TET3: variants seen among roughly 807,000 people sequenced by gnomAD.
TET3 encodes tet methylcytosine dioxygenase 3, also known as methylcytosine dioxygenase TET3.
A neutral mutation model predicts 141.4 loss-of-function variants in TET3; 19 were observed. The ratio of observed to expected loss-of-function variants is 0.13; its 90% CI spans 0.09 to 0.20. The LOEUF (loss-of-function observed/expected upper bound fraction) is 0.20, where lower values mean the gene tolerates loss of function less well. TET3 is among the 10% of genes least tolerant of loss of function. The probability of loss-of-function intolerance (pLI) is 1.00; values close to 1 mark genes in which losing one functional copy is unlikely to be tolerated. For synonymous variants in TET3, 1,043 were observed against 980.9 expected, an observed-to-expected ratio of 1.06 and a Z score of -1.18; for missense variants, 1,874 against 2,356.9, an observed-to-expected ratio of 0.80 and a Z score of 4.24.
Position 74,046,747 on chromosome 2 carries a change from C to T in TET3, c.830C>T (p.Pro277Leu), listed in dbSNP as rs969371294. 1 of 1,613,904 alleles carries T rather than the reference C, an allele frequency of 6.2e-7. No individual in the cohort carries two copies. The highest frequency in any genetic ancestry group is 8.5e-7 in the Non-Finnish European group (1 of 1,179,890). Residue 277 changes from proline to leucine, a missense_variant, in exon 4 of 12, where the codon CCA becomes CTA. Coordinates refer to ENST00000409262, the MANE Select transcript of TET3 (RefSeq NM_001287491.2). This position sits in a 1 kb window ranked among gnomAD's most constrained non-coding sequence, Gnocchi z 4.3. The part of the protein sequence containing the change: ...MKPPNCNCDG[P>L]ECPDYLEWLE... ...CCACCCAACTGCAACTGCGATGGCC[C>T]AGAATGCCCTGACTACCTCGAGTGG... is the stretch of plus-strand genomic sequence containing the variant.
chr2:74,053,530 C>G lies in TET3; in HGVS notation c.2494+5119C>G, dbSNP rs114170622. Among the ~76,000 whole-genome samples, 206 of 152,300 alleles carry G rather than the reference C, an allele frequency of 1.4e-3. No individual in the cohort carries two copies. In the South Asian group the frequency reaches 0.015, roughly 11 times the overall value. On this transcript the variant is annotated intron_variant, in intron 4 of 11. Coordinates refer to ENST00000409262, the MANE Select transcript of TET3 (RefSeq NM_001287491.2). ...CCAACAGGAAGCTGCAGAGACTAAA[C>G]CACAGCAAAAGCAAGAGGTTAGGAG...
intron 2 of TET3, among the ~76,000 whole-genome samples, chr2:74,001,363 T>C (rs1210442890): frequency 6.6e-6 from 1 of 152,200 alleles, no homozygotes; most frequent in Non-Finnish European, 1.5e-5. Context: ...GAGTCACTTC[T>C]CCCTGGCCTC....
chr2:74,072,171 T>C (rs1394570920), intron 4 of TET3, among the ~76,000 whole-genome samples: 1 of 152,230 alleles, frequency 6.6e-6, no homozygotes, highest in Admixed American at 6.5e-5. Flanking sequence ...GTATTTCATA[T>C]AAATGGAATC....
At chr2:74,002,916 G>T (rs991545750) in intron 2 of TET3, 194 bp from the exon 3 acceptor site, 1 of 607,386 alleles carries the variant, frequency 1.6e-6, no homozygotes, top group Admixed American at 2.9e-5. Flanking sequence ...ACTGGAAGGC[G>T]GGGGAGCCTG....
At position 74,017,249 on chromosome 2, in the gene TET3, G is replaced by A. The variant is rs956320240; in HGVS notation, c.360+14083G>A. On this transcript the variant is annotated intron_variant, in intron 3 of 11. Transcript: ENST00000409262. ...GGCTGTAGTGAGCTATTTTCACACC[G>A]CTGCACTCCACTCCACACACATACA... is the stretch of plus-strand genomic sequence containing the variant. 5.9e-5 allele frequency among the ~76,000 whole-genome samples: 9 copies of A among 152,082 alleles called. No homozygotes were observed. In the East Asian group the frequency reaches 7.7e-4, roughly 13 times the overall value.
intron 3 of TET3, among the ~76,000 whole-genome samples, chr2:74,030,141 GAATA>G (rs1056299159): frequency 9.9e-5 from 15 of 152,160 alleles, no homozygotes; most frequent in Non-Finnish European, 2.2e-4. Flanking sequence ...ATAAATGAAT[GAATA>G]CATAATTATG....
In TET3 at chr2:74,101,052, C is replaced by T. The variant is rs1558796845; in HGVS notation, c.4264C>T (p.Leu1422=). The part of the protein sequence containing the change: ...RDAGKMGKTP[L]SEVSQNGGPS... ...CGCTGGCAAGATGGGCAAGACACCT[C>T]TGTCCGAGGTGTCTCAGAATGGAGG... The change falls in exon 12 of 12, where the codon CTG becomes TTG. Residue 1422 remains leucine, a synonymous_variant. Transcript: ENST00000409262. This position sits in a 1 kb window ranked among gnomAD's most constrained non-coding sequence, Gnocchi z 8.5. The T allele has an allele frequency of 1.9e-6, 3 of 1,613,028 alleles. No homozygotes were observed. The highest frequency in any genetic ancestry group is 2.2e-5 in the East Asian group (1 of 44,874).
Position 74,048,023 on chromosome 2 carries a change from T to C in TET3, c.2106T>C (p.Pro702=). Residue 702 remains proline, a synonymous_variant, in exon 4 of 12, where the codon CCT becomes CCC. Transcript: ENST00000409262. Reference sequence around the variant, plus strand: ...CAGGCTCCACTGGCCCTCTTCCCCCTGCCGATGACAAGCTGGAAGAGCTCA... The same window carrying C: ...CAGGCTCCACTGGCCCTCTTCCCCCCGCCGATGACAAGCTGGAAGAGCTCA... ...LQPGSTGPLP[P]ADDKLEELIR... 3 of 1,609,148 alleles carry C rather than the reference T, an allele frequency of 1.9e-6. No homozygotes were observed. Among genetic ancestry groups the C allele is most frequent in the Non-Finnish European group, 2.5e-6 (3 of 1,177,538 alleles).
At chr2:74,001,054 G>T (rs1188151864) in intron 2 of TET3, among the ~76,000 whole-genome samples, 1 of 152,120 alleles carries the variant, frequency 6.6e-6, no homozygotes, top group African/African-American at 2.4e-5. Context: ...CAAAGTTGAG[G>T]GGCACAGAAA....
intron 2 of TET3, among the ~76,000 whole-genome samples, chr2:73,986,978 T>C (rs1684058565): frequency 6.6e-6 from 1 of 152,234 alleles, no homozygotes; most frequent in South Asian, 2.1e-4. Context: ...CCTTTACCTC[T>C]AGAAGTTTCT....
At chr2:74,090,620 T>C (rs7584777) in intron 8 of TET3, among the ~76,000 whole-genome samples, 60,450 of 152,120 alleles carry the variant, frequency 0.4, 15,173 homozygotes, top group African/African-American at 0.71. Flanking sequence ...CTTCTCTCTG[T>C]AGGCTCCTTA....
downstream of TET3, among the ~76,000 whole-genome samples, chr2:74,111,105 G>A (rs919497092): frequency 5.3e-5 from 8 of 152,062 alleles, no homozygotes; most frequent in African/African-American, 9.7e-5. Flanking sequence ...CTCTGCTCCC[G>A]GACTGCATAG....
At chr2:74,031,805 G>GC (rs1052502082) in intron 3 of TET3, among the ~76,000 whole-genome samples, 5 of 152,138 alleles carry the variant, frequency 3.3e-5, no homozygotes, top group African/African-American at 9.7e-5. Context: ...TTGAGTGGGG[G>GC]CAAACACACA....
At chr2:74,097,230 C>CACACAT (rs1419069634) in intron 10 of TET3, among the ~76,000 whole-genome samples, 7 of 151,106 alleles carry the variant, frequency 4.6e-5, no homozygotes, top group Admixed American at 4.6e-4. Context: ...CACACACACA[C>CACACAT]ATACATTCAA....
Position 74,100,791 on chromosome 2 carries a change from G to A in TET3, c.4003G>A (p.Ala1335Thr), listed in dbSNP as rs1248654753. Residue 1335 changes from alanine (A) to threonine (T), a missense_variant, in exon 12 of 12, where the codon GCT (alanine) becomes ACT (threonine). By Grantham distance (58) the Ala-to-Thr change is moderately conservative. Around this residue, in one of 10 missense-constraint regions of TET3, gnomAD observed 602 missense variants for 590.2 expected, o/e 1.02. Coordinates refer to ENST00000409262, the MANE Select transcript of TET3 (RefSeq NM_001287491.2). ...CAGCCTGAGCCCGGCCTACGGTGGT[G>A]CTGAGTTTGCCGAGCTGCCCAGCCA... ...HNSLSPAYGGAEFAELPSQAV... is the reference protein window; with the variant it reads ...HNSLSPAYGGTEFAELPSQAV... 1.2e-6 allele frequency: 2 copies of A among 1,612,690 alleles called. No individual in the cohort carries two copies. The highest frequency in any genetic ancestry group is 8.5e-7 in the Non-Finnish European group (1 of 1,179,522).
chr2:74,020,907 C>G (rs565386521), intron 3 of TET3, among the ~76,000 whole-genome samples: 18 of 152,298 alleles, frequency 1.2e-4, no homozygotes, highest in Admixed American at 4.6e-4. Context: ...GTAAGCTGTT[C>G]CTCATTTATC....
intron 3 of TET3, among the ~76,000 whole-genome samples, chr2:74,016,305 T>TAA (rs372745867): frequency 1.1e-4 from 16 of 139,674 alleles, no homozygotes; most frequent in Admixed American, 2.9e-4. Flanking sequence ...CCTGTCTCTT[T>TAA]AAAAAAAAAA....
intron 3 of TET3, among the ~76,000 whole-genome samples, chr2:74,011,319 T>G (rs1685423959): frequency 6.6e-6 from 1 of 151,474 alleles, no homozygotes; most frequent in South Asian, 2.1e-4. Flanking sequence ...ATTTTCAGAG[T>G]AAATGCCTGT....
chr2:74,080,747 CA>C (rs2103995651), intron 6 of TET3, among the ~76,000 whole-genome samples, 156 bp downstream of exon 6: 1 of 151,930 alleles, frequency 6.6e-6, no homozygotes, highest in South Asian at 2.1e-4. Context: ...GTTGACTGTC[CA>C]GGGGAGCCTT....
Sources: gnomAD v4.1 joint callset for allele counts (sites outside exome capture counted in the v4.1 genomes callset) on GRCh38, gnomAD v4.1.1 for gene constraint, gnomAD v4.1.1 regional missense constraint, Gnocchi (gnomAD v3.1) non-coding constraint, MANE v1.5 for transcripts, NCBI Gene and HGNC (gene_info 2026-07-23, HGNC 2026-07-21) for gene names.